The following CD247 variants were observed in gnomAD, a reference collection of about 807,000 sequenced individuals.
CD247 encodes CD247 molecule.
A neutral mutation model predicts 30.0 loss-of-function variants in CD247; 13 were observed. The observed-to-expected ratio is 0.43, with a 90% CI of 0.28 to 0.69. CD247 has a LOEUF of 0.69. CD247 is among the 30% of genes least tolerant of loss of function. The pLI, the probability that CD247 is intolerant of heterozygous loss-of-function variation, is 0.16. For synonymous variants in CD247, 72 were observed against 80.0 expected (o/e 0.90, Z 0.53); for missense variants, 193 against 212.6 (o/e 0.91, Z 0.57).
At chr1:167,467,690 T>C (rs1316025617) in intron 1 of CD247, among the ~76,000 whole-genome samples, 1 of 152,168 alleles carries the variant, frequency 6.6e-6, no homozygotes, top group African/African-American at 2.4e-5. Flanking sequence ...ATCGGATTTA[T>C]TTGTCTGTCT....
chr1:167,448,573 G>A, intron 1 of CD247: 1 of 971,384 alleles, frequency 1.0e-6, no homozygotes, highest in Non-Finnish European at 1.2e-6. Flanking sequence ...ATGACCCACT[G>A]GAGATACCTC....
At chr1:167,431,845 G>C in intron 7 of CD247, 99 bp from the exon 8 acceptor site, 1 of 1,008,114 alleles carries the variant, frequency 9.9e-7, no homozygotes, top group Non-Finnish European at 1.6e-6. Context: ...GCACAGCCCT[G>C]TGACCACCCA....
At chr1:167,456,692 C>T (rs72693681) in intron 1 of CD247, among the ~76,000 whole-genome samples, 3,626 of 152,264 alleles carry the variant, frequency 0.024, 76 homozygotes, top group Non-Finnish European at 0.037. Context: ...GAAGATTCTA[C>T]GAATATATCC....
At chr1:167,475,246 T>C (rs1260607042) in intron 1 of CD247, among the ~76,000 whole-genome samples, 1 of 152,166 alleles carries the variant, frequency 6.6e-6, no homozygotes, top group Non-Finnish European at 1.5e-5. Flanking sequence ...TGAGCCTCTG[T>C]GCACCTGTCG....
At chr1:167,488,988 T>C (rs553067531) in intron 1 of CD247, among the ~76,000 whole-genome samples, 1 of 152,158 alleles carries the variant, frequency 6.6e-6, no homozygotes, top group African/African-American at 2.4e-5. Context: ...GCTGCTTCCC[T>C]TGCCGTTTGA....
Position 167,458,689 on chromosome 1 carries a change from CTTTTTTTTTTT to C in CD247, c.59-17933_59-17923del, listed in dbSNP as rs3070395. On this transcript the variant is annotated intron_variant, in intron 1 of 7. Transcript: ENST00000362089. ...TGTTTTTTTCTTTCTTTCTTTCTTTCTTTTTTTTTTTTTTTTTTTTTTTTTTGAGACAGGGT... is the reference window on the plus strand; with the variant it reads ...TGTTTTTTTCTTTCTTTCTTTCTTTCTTTTTTTTTTTTTTTGAGACAGGGT... 1.6e-3 allele frequency: 149 copies of C among 95,380 alleles called. 1 individual carries two copies. The highest frequency in any genetic ancestry group is 5.9e-3 in the African/African-American group (126 of 21,466). The allele number at this position is 95,380 out of a possible 1,614,324, so 5.9% of individuals were successfully genotyped here. A position where few individuals can be genotyped will look rare whatever the true frequency, so the allele number is the denominator to read the frequency against.
chr1:167,483,669 A>G (rs1028863146), intron 1 of CD247, among the ~76,000 whole-genome samples: 1 of 152,372 alleles, frequency 6.6e-6, no homozygotes, highest in African/African-American at 2.4e-5. Flanking sequence ...TAGTTGGTAG[A>G]GGAGCTCTTC....
intron 1 of CD247, among the ~76,000 whole-genome samples, chr1:167,517,089 A>G (rs1773554): frequency 0.1 from 15,871 of 152,240 alleles, 1,742 homozygotes; most frequent in African/African-American, 0.28. Flanking sequence ...TCCCCAGCAC[A>G]CAAGGATGGG....
chr1:167,468,709 A>G (rs950345637), intron 1 of CD247, among the ~76,000 whole-genome samples: 1 of 152,184 alleles, frequency 6.6e-6, no homozygotes, highest in Non-Finnish European at 1.5e-5. Context: ...CTCCCAGTAA[A>G]GGGAAACCAA....
intron 1 of CD247, among the ~76,000 whole-genome samples, chr1:167,446,681 G>T (rs141141827): frequency 1.3e-5 from 2 of 152,278 alleles, no homozygotes; most frequent in African/African-American, 2.4e-5. Flanking sequence ...CCACTCTTCA[G>T]GGGTGTTTGA....
In CD247 at chr1:167,431,586, TGAGAA is replaced by T. The variant is rs1482531115; in HGVS notation, c.*90_*94del. 4 of 1,018,560 alleles carry T rather than the reference TGAGAA, an allele frequency of 3.9e-6. No homozygotes were observed. Among genetic ancestry groups the T allele is most frequent in the South Asian group, 2.5e-5 (2 of 79,158 alleles). 63.1% of individuals were successfully genotyped at this position (1,018,560 alleles called of 1,614,324 possible). On this transcript the variant is annotated 3_prime_UTR_variant, in exon 8 of 8. Coordinates refer to ENST00000362089, the MANE Select transcript of CD247 (RefSeq NM_198053.3). The stretch of plus-strand genomic sequence containing the variant: ...ACATAAAGGGGAATACTTCAGTGGC[TGAGAA>T]GAGTGAACCGGGTTGTAAATGCTTC...
At chr1:167,507,151 C>G (rs1000743402) in intron 1 of CD247, among the ~76,000 whole-genome samples, 3 of 151,762 alleles carry the variant, frequency 2.0e-5, no homozygotes. Flanking sequence ...ACTCCGGACC[C>G]TGGGTGATCC....
chr1:167,492,802 C>A (rs1571582039), intron 1 of CD247, among the ~76,000 whole-genome samples: 1 of 152,126 alleles, frequency 6.6e-6, no homozygotes, highest in East Asian at 1.9e-4. Context: ...AGGGGCCCCC[C>A]CAGAAGGTGT....
intron 1 of CD247, among the ~76,000 whole-genome samples, chr1:167,483,420 C>T (rs546159574): frequency 5.8e-4 from 89 of 152,218 alleles, no homozygotes; most frequent in African/African-American, 2.1e-3. Context: ...CTCCCTCCCC[C>T]TCCCTACCCT....
chr1:167,467,659 G>C (rs1653318879), intron 1 of CD247, among the ~76,000 whole-genome samples: 1 of 152,166 alleles, frequency 6.6e-6, no homozygotes, highest in African/African-American at 2.4e-5. Context: ...ATTTTGGACA[G>C]TTCTGAGCTT....
intron 1 of CD247, among the ~76,000 whole-genome samples, chr1:167,510,842 A>G (rs978843340): frequency 2.6e-5 from 4 of 152,190 alleles, no homozygotes; most frequent in African/African-American, 9.7e-5. Context: ...GGCAAAGGCA[A>G]CAGCACCTAC....
chr1:167,495,692 G>A (rs545407948), intron 1 of CD247, among the ~76,000 whole-genome samples: 50 of 151,472 alleles, frequency 3.3e-4, no homozygotes, highest in African/African-American at 9.6e-4. Context: ...AACTCAATAC[G>A]TCTGACCTCA....
At chr1:167,431,906 C>G (rs1431240387) in intron 7 of CD247, among the ~76,000 whole-genome samples, 160 bp from the exon 8 acceptor site, 1 of 151,874 alleles carries the variant, frequency 6.6e-6, no homozygotes, top group East Asian at 1.9e-4. Flanking sequence ...CGGGCAGGAG[C>G]CTTGGCTGCA....
intron 1 of CD247, chr1:167,448,378 G>C: frequency 1.0e-6 from 1 of 985,416 alleles, no homozygotes; most frequent in Non-Finnish European, 1.2e-6. Flanking sequence ...GGTGGTGAGA[G>C]GGGTCCTCAC....
Sources: allele counts gnomAD v4.1 joint callset (sites outside exome capture counted in the v4.1 genomes callset), GRCh38; gene constraint gnomAD v4.1.1; transcripts MANE v1.5; gene names NCBI Gene and HGNC (gene_info 2026-07-23, HGNC 2026-07-21).